The following ADRA1A variants were observed in gnomAD, a reference collection of about 807,000 sequenced individuals.
ADRA1A encodes alpha-1A adrenergic receptor.
ADRA1A carries 31 observed loss-of-function variants against 29.6 expected under a neutral mutation model. That is an observed-to-expected ratio of 1.05 (90% CI 0.79 to 1.41). The LOEUF (loss-of-function observed/expected upper bound fraction) is 1.41, where lower values mean the gene tolerates loss of function less well. Ranked by LOEUF, ADRA1A falls within the 40% of genes most tolerant of loss-of-function variation. The pLI, the probability that ADRA1A is intolerant of heterozygous loss-of-function variation, is 0.00. For synonymous variants in ADRA1A, 311 were observed against 254.3 expected (o/e 1.22, Z -2.12); for missense variants, 619 against 601.1 (o/e 1.03, Z -0.31).
intron 2 of ADRA1A, among the ~76,000 whole-genome samples, chr8:26,832,889 G>C (rs1811089752): frequency 6.6e-6 from 1 of 152,164 alleles, no homozygotes; most frequent in Admixed American, 6.5e-5. Flanking sequence ...GTCATTGGAT[G>C]TTGGCTGCCT....
At chr8:26,799,272 TCTTTCTC>T (rs1217513482) in intron 2 of ADRA1A, among the ~76,000 whole-genome samples, 1 of 152,208 alleles carries the variant, frequency 6.6e-6, no homozygotes, top group Admixed American at 6.5e-5. Flanking sequence ...TCAATGTTAC[TCTTTCTC>T]CTTCAGGGCA....
downstream of ADRA1A, among the ~76,000 whole-genome samples, chr8:26,752,542 T>A (rs1284733254): frequency 1.3e-5 from 2 of 152,244 alleles, no homozygotes; most frequent in East Asian, 3.9e-4. Flanking sequence ...TATCTGTGCC[T>A]GCAGCTTGAT....
At chr8:26,770,713 AG>A (rs762931907) in intron 2 of ADRA1A, 47 bp from the exon 3 acceptor site, 2 of 1,539,472 alleles carry the variant, frequency 1.3e-6, no homozygotes, top group Admixed American at 3.9e-5. Context: ...AAAGCCAGCA[AG>A]CCAATTGGCT....
intron 2 of ADRA1A, among the ~76,000 whole-genome samples, chr8:26,812,987 A>T (rs1439557509): frequency 6.6e-6 from 1 of 151,854 alleles, no homozygotes; most frequent in Non-Finnish European, 1.5e-5. Context: ...AATACATTTA[A>T]TTTTTTAAAA....
chr8:26,832,441 T>C (rs892347047), intron 2 of ADRA1A, among the ~76,000 whole-genome samples: 2 of 151,976 alleles, frequency 1.3e-5, no homozygotes, highest in African/African-American at 4.8e-5. Context: ...GTATCCTTGA[T>C]AGAGGAAAGG....
chr8:26,752,971 T>C (rs1447274514), downstream of ADRA1A, among the ~76,000 whole-genome samples: 1 of 152,200 alleles, frequency 6.6e-6, no homozygotes, highest in Non-Finnish European at 1.5e-5. Flanking sequence ...TGTTGAAACA[T>C]TGGCTTGAGA....
Position 26,864,510 on chromosome 8 carries a change from A to T in ADRA1A, c.460T>A (p.Ser154Thr), listed in dbSNP as rs61757009. 6 of 1,613,818 alleles carry T rather than the reference A, an allele frequency of 3.7e-6. No homozygotes were observed. In the East Asian group the frequency reaches 1.3e-4, roughly 36 times the overall value. ...LMALLCVWALSLVISIGPLFG... is the reference protein window; with the variant it reads ...LMALLCVWALTLVISIGPLFG... ...AGGGGTCCAATGGATATGACCAGGG[A>T]GAGTGCCCAGACGCAGAGCAGAGCC... The change falls in exon 2 of 3, where the codon TCC becomes ACC. Residue 154 changes from serine (S) to threonine (T), a missense_variant. By Grantham distance (58) the Ser-to-Thr change is moderately conservative (BLOSUM62 1). Coordinates refer to ENST00000380573, the MANE Select transcript of ADRA1A (RefSeq NM_000680.4). This position sits in a 1 kb window ranked among gnomAD's most constrained non-coding sequence, Gnocchi z 8.1.
intron 2 of ADRA1A, among the ~76,000 whole-genome samples, chr8:26,804,838 T>C (rs888816204): frequency 7.9e-5 from 12 of 152,210 alleles, no homozygotes; most frequent in Admixed American, 3.9e-4. Context: ...TTATAAGATC[T>C]GATATAAATT....
At chr8:26,782,788 C>T (rs1807090249) in intron 2 of ADRA1A, among the ~76,000 whole-genome samples, 1 of 152,164 alleles carries the variant, frequency 6.6e-6, no homozygotes, top group African/African-American at 2.4e-5. Context: ...GACATCCCTC[C>T]TGATGTTTCC....
chr8:26,759,635 C>T (rs1359937404), intron 2 of ADRA1A, among the ~76,000 whole-genome samples: 4 of 152,154 alleles, frequency 2.6e-5, no homozygotes, highest in Non-Finnish European at 4.4e-5. Flanking sequence ...CTGTGGGGCA[C>T]GAAGTACTCT....
Position 26,841,663 on chromosome 8 carries a change from GCTGAAACTGTTC to G in ADRA1A, c.883+22412_883+22423del, listed in dbSNP as rs2130702508. Among the ~76,000 whole-genome samples, 1 of 152,126 alleles carries G rather than the reference GCTGAAACTGTTC, an allele frequency of 6.6e-6. No individual in the cohort carries two copies. The highest frequency in any genetic ancestry group is 1.5e-5 in the Non-Finnish European group (1 of 68,012). On this transcript the variant is annotated intron_variant, in intron 2 of 2. Coordinates refer to ENST00000380573, the MANE Select transcript of ADRA1A (RefSeq NM_000680.4). The surrounding 1 kb of genome is among the most constrained non-coding windows in gnomAD (Gnocchi z 4.4). Reference sequence around the variant, plus strand: ...ACAAGCCTCCTGTCCCTAACATTCAGCTGAAACTGTTCCTAGATCCCAAACTCCTACCCTAGC... The same window carrying G: ...ACAAGCCTCCTGTCCCTAACATTCAGCTAGATCCCAAACTCCTACCCTAGC...
intron 2 of ADRA1A, among the ~76,000 whole-genome samples, chr8:26,798,140 A>G (rs951844115): frequency 6.6e-6 from 1 of 152,086 alleles, no homozygotes; most frequent in Non-Finnish European, 1.5e-5. Context: ...CACCACACCT[A>G]TCTACTTTTT....
At chr8:26,789,359 C>T (rs4612350) in intron 2 of ADRA1A, among the ~76,000 whole-genome samples, 51,315 of 151,962 alleles carry the variant, frequency 0.34, 9,999 homozygotes, top group East Asian at 0.84. Context: ...TCAATCCATG[C>T]ATTTGCAGCT....
chr8:26,862,661 G>GA (rs1474363543), intron 2 of ADRA1A, among the ~76,000 whole-genome samples: 2 of 152,182 alleles, frequency 1.3e-5, no homozygotes, highest in South Asian at 2.1e-4. Flanking sequence ...AGGCACAATG[G>GA]AAGGCCAGGT....
At chr8:26,770,771 A>T (rs61760515) in intron 2 of ADRA1A, 105 bp from the exon 3 acceptor site, 21 of 1,433,204 alleles carry the variant, frequency 1.5e-5, no homozygotes, top group Non-Finnish European at 1.9e-5. Flanking sequence ...AAACGGTTAA[A>T]ATGATCCCAA....
intron 2 of ADRA1A, among the ~76,000 whole-genome samples, chr8:26,837,325 C>T (rs910600482): frequency 2.6e-5 from 4 of 152,074 alleles, no homozygotes; most frequent in Non-Finnish European, 5.9e-5. Context: ...GAAGTAGTCA[C>T]ATTAAAGTCA....
downstream of ADRA1A, among the ~76,000 whole-genome samples, chr8:26,751,828 A>G (rs1804936042): frequency 6.6e-6 from 1 of 152,214 alleles, no homozygotes; most frequent in African/African-American, 2.4e-5. Flanking sequence ...GGAAGCTTCT[A>G]TTATTATCTC....
At chr8:26,852,298 G>T (rs1384954330) in intron 2 of ADRA1A, among the ~76,000 whole-genome samples, 1 of 152,010 alleles carries the variant, frequency 6.6e-6, no homozygotes, top group South Asian at 2.1e-4. Flanking sequence ...AGACAAGAAA[G>T]AATTAAAATA....
intron 2 of ADRA1A, among the ~76,000 whole-genome samples, chr8:26,771,315 C>T (rs149243113): frequency 3.3e-5 from 5 of 152,350 alleles, no homozygotes; most frequent in East Asian, 1.9e-4. Flanking sequence ...GCTTCACATT[C>T]GGAGTCCTCC....
Sources: allele counts gnomAD v4.1 joint callset (sites outside exome capture counted in the v4.1 genomes callset), GRCh38; gene constraint gnomAD v4.1.1; non-coding constraint Gnocchi (gnomAD v3.1); transcripts MANE v1.5; gene names NCBI Gene and HGNC (gene_info 2026-07-23, HGNC 2026-07-21).